Variants in KRT73 observed in about 807,000 individuals in gnomAD.
The protein encoded by KRT73 is keratin 73.
A neutral mutation model predicts 47.2 loss-of-function variants in KRT73; 44 were observed. The ratio of observed to expected loss-of-function variants is 0.93; its 90% CI spans 0.73 to 1.20. KRT73 has a LOEUF of 1.20. KRT73 is among the 50% of genes most tolerant of loss of function. The probability of loss-of-function intolerance (pLI) is 0.00; values close to 1 mark genes in which losing one functional copy is unlikely to be tolerated. For missense variants in KRT73, 713 were observed against 704.5 expected, an observed-to-expected ratio of 1.01 and a Z score of -0.14; for synonymous variants, 285 against 291.3, an observed-to-expected ratio of 0.98 and a Z score of 0.22.
chr12:52,625,640 T>C, the KRT73 span, among the ~76,000 whole-genome samples: 1 of 152,192 alleles, frequency 6.6e-6, no homozygotes, highest in African/African-American at 2.4e-5. Flanking sequence ...TGATCATTTA[T>C]CCCAGAGAAA....
upstream of KRT73, among the ~76,000 whole-genome samples, chr12:52,619,592 C>T (rs1006118950): frequency 3.9e-5 from 6 of 152,200 alleles, no homozygotes; most frequent in African/African-American, 1.4e-4. Flanking sequence ...GCCAGCCAGC[C>T]ATCTACTTGT....
At chr12:52,613,389 C>G in intron 5 of KRT73, 1 of 274,210 alleles carries the variant, frequency 3.6e-6, no homozygotes, top group South Asian at 8.1e-5. Flanking sequence ...ACAGAACTCT[C>G]TGCCTCCAGG....
At chr12:52,613,491 C>T (rs1019644116) in intron 5 of KRT73, 197 bp downstream of exon 5, 2 of 995,812 alleles carry the variant, frequency 2.0e-6, no homozygotes, top group Non-Finnish European at 2.8e-6. Context: ...AGTGCATCCT[C>T]CAGGGGTGCT....
At chr12:52,611,166 C>T (rs191422928) in intron 6 of KRT73, 38 bp downstream of exon 6, 781 of 1,612,678 alleles carry the variant, frequency 4.8e-4, no homozygotes, top group Non-Finnish European at 6.1e-4. Context: ...TTCACCCCTC[C>T]CTTAGGAGTG....
chr12:52,611,078 A>G, intron 6 of KRT73, 126 bp downstream of exon 6: 1 of 1,235,630 alleles, frequency 8.1e-7, no homozygotes, highest in Non-Finnish European at 1.1e-6. Context: ...GTGAGGGATG[A>G]GAGCAGGACC....
At chr12:52,624,087 A>G in the KRT73 span, among the ~76,000 whole-genome samples, 1 of 152,078 alleles carries the variant, frequency 6.6e-6, no homozygotes, top group Non-Finnish European at 1.5e-5. Context: ...ACTTATCTCA[A>G]CTATAAGTGT....
At chr12:52,623,519 T>C (rs1416336909), upstream of KRT73, among the ~76,000 whole-genome samples, 4 of 152,042 alleles carry the variant, frequency 2.6e-5, no homozygotes, top group Non-Finnish European at 5.9e-5. Context: ...AGAAGACAAC[T>C]TGAAACATTA....
At chr12:52,629,630 C>A in the KRT73 span, among the ~76,000 whole-genome samples, 1 of 152,226 alleles carries the variant, frequency 6.6e-6, no homozygotes, top group Non-Finnish European at 1.5e-5. Context: ...GACCGCACAG[C>A]AAATCCACCC....
chr12:52,611,559 G>T (rs1455727561), intron 5 of KRT73: 1 of 538,844 alleles, frequency 1.9e-6, no homozygotes, highest in Non-Finnish European at 3.3e-6. Context: ...ACTGTTGAAT[G>T]TCCCAGACTC....
intron 1 of KRT73, 65 bp from the exon 2 acceptor site, chr12:52,616,445 C>T (rs1475554883): frequency 6.3e-7 from 1 of 1,588,914 alleles, no homozygotes; most frequent in Non-Finnish European, 8.6e-7. Flanking sequence ...CCTTCCTGGA[C>T]AGGAACTGTG....
At chr12:52,625,360 G>A in the KRT73 span, among the ~76,000 whole-genome samples, 1 of 152,158 alleles carries the variant, frequency 6.6e-6, no homozygotes, top group Non-Finnish European at 1.5e-5. Flanking sequence ...TCACTGAATA[G>A]TTCATACCGA....
chr12:52,615,207 C>T, intron 3 of KRT73, 72 bp downstream of exon 3: 3 of 1,351,464 alleles, frequency 2.2e-6, no homozygotes, highest in Non-Finnish European at 3.1e-6. Flanking sequence ...GGGCTCAGAC[C>T]TCAGCTGCTC....
At position 52,618,544 on chromosome 12, in the gene KRT73, G is replaced by A. The variant is rs140417201; in HGVS notation, c.-20C>T. On this transcript the variant is annotated 5_prime_UTR_variant, in exon 1 of 9. Transcript: ENST00000305748. Reference sequence around the variant, plus strand: ...GCTCATGGTGGGGAGGCCAGAAAGTGGGGATAAGATGCTGACCCTTAGCTG... The same window carrying A: ...GCTCATGGTGGGGAGGCCAGAAAGTAGGGATAAGATGCTGACCCTTAGCTG... 6.3e-7 allele frequency: 1 copy of A among 1,578,898 alleles called. No homozygotes were observed. Among genetic ancestry groups the A allele is most frequent in the Non-Finnish European group, 8.6e-7 (1 of 1,163,524 alleles).
At chr12:52,610,573 GT>G in intron 7 of KRT73, 41 bp downstream of exon 7, 1 of 955,696 alleles carries the variant, frequency 1.0e-6, no homozygotes. Context: ...AAACTTTAAG[GT>G]GGAGACTTGC....
chr12:52,621,197 G>A (rs1195743132), upstream of KRT73, among the ~76,000 whole-genome samples: 1 of 147,408 alleles, frequency 6.8e-6, no homozygotes. Flanking sequence ...TACCAAGTCA[G>A]CCCCACTTCC....
upstream of KRT73, among the ~76,000 whole-genome samples, chr12:52,621,351 C>T (rs1940902891): frequency 6.6e-6 from 1 of 151,882 alleles, no homozygotes; most frequent in African/African-American, 2.4e-5. Flanking sequence ...TTTCTGTCAC[C>T]CCCAGGGGCA....
At chr12:52,616,045 G>T in intron 2 of KRT73, 121 bp downstream of exon 2, 1 of 1,200,810 alleles carries the variant, frequency 8.3e-7, no homozygotes, top group Non-Finnish European at 1.2e-6. Context: ...CCCATAGAAG[G>T]CTCTCATCTT....
chr12:52,608,123 G>A lies in KRT73; in HGVS notation c.*73C>T, dbSNP rs1361762285. On this transcript the variant is annotated 3_prime_UTR_variant, in exon 9 of 9. Transcript: ENST00000305748. ...GGAGATGAGGACAAATGAGACAGAGGAATTTCCTAGAAGAGTCCGGAGCAG... is the reference window on the plus strand; with the variant it reads ...GGAGATGAGGACAAATGAGACAGAGAAATTTCCTAGAAGAGTCCGGAGCAG... 2 of 1,480,320 alleles carry A rather than the reference G, an allele frequency of 1.4e-6. No homozygotes were observed. The highest frequency in any genetic ancestry group is 1.8e-6 in the Non-Finnish European group (2 of 1,095,722). 91.7% of individuals were successfully genotyped at this position (1,480,320 alleles called of 1,614,324 possible).
intron 7 of KRT73, chr12:52,610,359 G>A (rs755823286): frequency 1.1e-5 from 5 of 461,788 alleles, no homozygotes; most frequent in Non-Finnish European, 2.0e-5. Context: ...TTACAGGCAC[G>A]AACCACTGCG....
Sources: allele counts gnomAD v4.1 joint callset (sites outside exome capture counted in the v4.1 genomes callset), GRCh38; gene constraint gnomAD v4.1.1; transcripts MANE v1.5; gene names NCBI Gene and HGNC (gene_info 2026-07-23, HGNC 2026-07-21).